CLIP2: variants seen among roughly 807,000 people sequenced by gnomAD.
The protein encoded by CLIP2 is CAP-Gly domain containing linker protein 2.
A neutral mutation model predicts 111.7 loss-of-function variants in CLIP2; 41 were observed. The ratio of observed to expected loss-of-function variants is 0.37; its 90% CI spans 0.29 to 0.48. The LOEUF (loss-of-function observed/expected upper bound fraction) is 0.48. CLIP2 is among the 20% of genes least tolerant of loss of function. The pLI is 0.99. For synonymous variants in CLIP2, 660 were observed against 644.2 expected, an observed-to-expected ratio of 1.02 and a Z score of -0.37; for missense variants, 1,160 against 1,422.1, an observed-to-expected ratio of 0.82 and a Z score of 2.96.
intron 1 of CLIP2, among the ~76,000 whole-genome samples, chr7:74,301,772 G>A (rs229892): frequency 0.59 from 88,425 of 150,278 alleles, 28,882 homozygotes; most frequent in Non-Finnish European, 0.75. Flanking sequence ...GAGTGCGCTG[G>A]CGTGATCTCG....
At chr7:74,296,981 A>G (rs782390843) in intron 1 of CLIP2, among the ~76,000 whole-genome samples, 2 of 152,114 alleles carry the variant, frequency 1.3e-5, no homozygotes, top group Non-Finnish European at 2.9e-5. Flanking sequence ...TGCAGACACC[A>G]TCGTCCCCAG....
At chr7:74,359,511 G>T (rs781812107) in intron 6 of CLIP2, among the ~76,000 whole-genome samples, 1 of 151,294 alleles carries the variant, frequency 6.6e-6, no homozygotes, top group Non-Finnish European at 1.5e-5. Flanking sequence ...CCACCACCAC[G>T]CCCAGCTAAT....
chr7:74,404,095 A>C lies in CLIP2; in HGVS notation c.*247A>C, dbSNP rs1374346690. The C allele has an allele frequency of 9.8e-6, 5 of 511,346 alleles. No homozygotes were observed. The highest frequency in any genetic ancestry group is 1.8e-5 in the Non-Finnish European group (5 of 279,212). The allele number at this position is 511,346 out of a possible 1,614,324, so 31.7% of individuals were successfully genotyped here. Reference sequence around the variant, plus strand: ...GCCCCGGCCTGACCCGGGGACCTTCAGCCTGGACACCCGGCAGCTTCTGGA... The same window carrying C: ...GCCCCGGCCTGACCCGGGGACCTTCCGCCTGGACACCCGGCAGCTTCTGGA... On this transcript the variant is annotated 3_prime_UTR_variant, in exon 17 of 17. Transcript: ENST00000223398.
intron 3 of CLIP2, among the ~76,000 whole-genome samples, chr7:74,343,050 T>C (rs1554305662): frequency 7.8e-6 from 1 of 128,474 alleles, no homozygotes; most frequent in Non-Finnish European, 1.6e-5. Flanking sequence ...AAAAAAAAAA[T>C]GGTGACGGGC....
chr7:74,346,728 A>C (rs1439470003), intron 3 of CLIP2, among the ~76,000 whole-genome samples: 1 of 91,220 alleles, frequency 1.1e-5, no homozygotes, highest in Admixed American at 1.3e-4. Context: ...CAAAAAAAAA[A>C]AAAAAAAAAA....
chr7:74,375,544 CT>C (rs1395251825), intron 9 of CLIP2, among the ~76,000 whole-genome samples: 1 of 37,650 alleles, frequency 2.7e-5, no homozygotes, highest in African/African-American at 9.7e-5. Flanking sequence ...CAGAGCGAGA[CT>C]CAAAAAAAAA....
At chr7:74,375,807 C>T in intron 9 of CLIP2, 80 bp from the exon 10 acceptor site, 2 of 1,251,830 alleles carry the variant, frequency 1.6e-6, no homozygotes, top group South Asian at 3.2e-5. Flanking sequence ...CGCCCCCTAC[C>T]CGGCCCCCAC....
At chr7:74,343,739 A>C (rs1318076188) in intron 3 of CLIP2, among the ~76,000 whole-genome samples, 1 of 20,806 alleles carries the variant, frequency 4.8e-5, no homozygotes, top group Non-Finnish European at 2.3e-4. Context: ...CTAAAAATAC[A>C]AAAAAAAAAA....
At chr7:74,379,192 G>A (rs781996279) in intron 10 of CLIP2, among the ~76,000 whole-genome samples, 1 of 152,030 alleles carries the variant, frequency 6.6e-6, no homozygotes, top group African/African-American at 2.4e-5. Context: ...GGCCGGGCGC[G>A]GTGGCTCACA....
At chr7:74,305,031 C>T (rs1435353299) in intron 1 of CLIP2, among the ~76,000 whole-genome samples, 1 of 108,944 alleles carries the variant, frequency 9.2e-6, no homozygotes, top group Non-Finnish European at 1.9e-5. Flanking sequence ...CACCACCAAA[C>T]CACCCCTCCC....
chr7:74,390,451 C>G (rs1791265218), intron 13 of CLIP2, among the ~76,000 whole-genome samples: 1 of 152,098 alleles, frequency 6.6e-6, no homozygotes, highest in Non-Finnish European at 1.5e-5. Context: ...AGGAGGATCA[C>G]TTGAGCCAAG....
At position 74,309,327 on chromosome 7, in the gene CLIP2, A is replaced by G. The variant is rs561396818; in HGVS notation, c.-67-8153A>G. On this transcript the variant is annotated intron_variant, in intron 1 of 16. Coordinates refer to ENST00000223398, the MANE Select transcript of CLIP2 (RefSeq NM_003388.5). ...CCCGTCTCTACTAAAAATTAATTGT[A>G]TGGTTTGATGACTTCTAGTATAAAC... 3.3e-5 allele frequency among the ~76,000 whole-genome samples: 5 copies of G among 151,782 alleles called. No homozygotes were observed. In the South Asian group the frequency reaches 6.2e-4, roughly 19 times the overall value.
chr7:74,336,778 G>A (rs1405811072), intron 2 of CLIP2, among the ~76,000 whole-genome samples: 1 of 151,620 alleles, frequency 6.6e-6, no homozygotes, highest in Non-Finnish European at 1.5e-5. Flanking sequence ...GGCAATTGGG[G>A]ATCAGATGAG....
At chr7:74,359,361 T>C (rs1305898752) in intron 6 of CLIP2, among the ~76,000 whole-genome samples, 1 of 149,598 alleles carries the variant, frequency 6.7e-6, no homozygotes. Context: ...TTTTTTTTTT[T>C]TTTCTTTTTT....
chr7:74,311,303 T>A (rs1020528419), intron 1 of CLIP2, among the ~76,000 whole-genome samples: 1 of 152,206 alleles, frequency 6.6e-6, no homozygotes, highest in Admixed American at 6.6e-5. Flanking sequence ...TTTAAGAAAC[T>A]GCCCAACTGT....
chr7:74,383,861 A>C (rs1554314347), intron 11 of CLIP2, among the ~76,000 whole-genome samples: 1 of 152,170 alleles, frequency 6.6e-6, no homozygotes, highest in East Asian at 1.9e-4. Context: ...TCATCATCCC[A>C]AAAGGAGAAC....
chr7:74,318,231 C>T (rs914691894), intron 2 of CLIP2, among the ~76,000 whole-genome samples: 4 of 151,930 alleles, frequency 2.6e-5, no homozygotes, highest in Non-Finnish European at 5.9e-5. Flanking sequence ...GTCATGCGTA[C>T]AGAAGAGGGA....
At chr7:74,309,065 C>T (rs782028949) in intron 1 of CLIP2, among the ~76,000 whole-genome samples, 2 of 152,052 alleles carry the variant, frequency 1.3e-5, no homozygotes, top group African/African-American at 2.4e-5. Context: ...GATAGATTTT[C>T]GCCATGTTGC....
At chr7:74,349,446 AAGT>A (rs199534491) in intron 3 of CLIP2, among the ~76,000 whole-genome samples, 873 of 67,906 alleles carry the variant, frequency 0.013, 60 homozygotes, top group Non-Finnish European at 0.023. Context: ...AAAAAAAAAA[AAGT>A]ATGTATGTGT....
Sources: allele counts gnomAD v4.1 joint callset (sites outside exome capture counted in the v4.1 genomes callset), GRCh38; gene constraint gnomAD v4.1.1; transcripts MANE v1.5; gene names NCBI Gene and HGNC (gene_info 2026-07-23, HGNC 2026-07-21).